Variants in PLPPR1 observed in about 807,000 individuals in gnomAD.
PLPPR1 encodes phospholipid phosphatase related 1, also known as phospholipid phosphatase-related protein type 1.
Under a neutral mutation model 33.1 loss-of-function variants are expected in PLPPR1, and 10 were observed. The observed-to-expected ratio is 0.30, with a 90% CI of 0.19 to 0.51. PLPPR1 has a LOEUF of 0.51. Among genes scored for constraint, PLPPR1 ranks in the 20% least tolerant of loss-of-function variants. The probability of loss-of-function intolerance (pLI) is 0.97; values close to 1 mark genes in which losing one functional copy is unlikely to be tolerated. For synonymous variants in PLPPR1, 151 were observed against 151.0 expected, an observed-to-expected ratio of 1.00 and a Z score of 0.00; for missense variants, 304 against 408.1, an observed-to-expected ratio of 0.74 and a Z score of 2.20.
At chr9:101,101,522 GAA>G (rs571219244) in intron 1 of PLPPR1, among the ~76,000 whole-genome samples, 1 of 127,568 alleles carries the variant, frequency 7.8e-6, no homozygotes, top group African/African-American at 2.9e-5. Context: ...AATTCAAATG[GAA>G]AAAAAAAAAA....
intron 4 of PLPPR1, among the ~76,000 whole-genome samples, chr9:101,286,538 G>C (rs7872693): frequency 0.012 from 1,869 of 152,242 alleles, 27 homozygotes; most frequent in African/African-American, 0.04. Flanking sequence ...GCAAGGGGTT[G>C]GGGTGGGGGA....
intron 2 of PLPPR1, among the ~76,000 whole-genome samples, chr9:101,212,593 A>G (rs1055703554): frequency 1.3e-5 from 2 of 152,220 alleles, no homozygotes; most frequent in Admixed American, 6.5e-5. Flanking sequence ...TAATGAGTCC[A>G]GTGATCAAAC....
intron 2 of PLPPR1, among the ~76,000 whole-genome samples, chr9:101,224,505 G>A (rs1176785328): frequency 6.6e-6 from 1 of 152,100 alleles, no homozygotes; most frequent in Non-Finnish European, 1.5e-5. Context: ...GGGCATCGTG[G>A]TGACGGTTTC....
At chr9:101,123,854 G>T (rs777456720) in intron 1 of PLPPR1, among the ~76,000 whole-genome samples, 1 of 152,050 alleles carries the variant, frequency 6.6e-6, no homozygotes. Context: ...ATTATAGTGC[G>T]TCAGGGTAGC....
chr9:101,070,620 G>A (rs1014311301), intron 1 of PLPPR1, among the ~76,000 whole-genome samples: 4 of 152,084 alleles, frequency 2.6e-5, no homozygotes, highest in Non-Finnish European at 4.4e-5. Flanking sequence ...TCCACTCGAA[G>A]TGATACCTTC....
chr9:101,219,635 ATTTTGACTGTGCTGC>A (rs1360996211), intron 2 of PLPPR1, among the ~76,000 whole-genome samples: 1 of 152,196 alleles, frequency 6.6e-6, no homozygotes, highest in African/African-American at 2.4e-5. Flanking sequence ...AATTCTCAAC[ATTTTGACTGTGCTGC>A]TCCTCATAAT....
intron 1 of PLPPR1, among the ~76,000 whole-genome samples, chr9:101,066,827 T>C (rs682618): frequency 0.68 from 103,250 of 151,788 alleles, 35,440 homozygotes; most frequent in East Asian, 0.88. Context: ...ATTGGAAAAT[T>C]ATATTAGAAA....
At chr9:101,108,154 C>G (rs929690242) in intron 1 of PLPPR1, among the ~76,000 whole-genome samples, 1 of 146,826 alleles carries the variant, frequency 6.8e-6, no homozygotes, top group Non-Finnish European at 1.5e-5. Flanking sequence ...TGTTCCTATT[C>G]GGCCATCTTG....
intron 3 of PLPPR1, among the ~76,000 whole-genome samples, chr9:101,270,353 G>A (rs964044175): frequency 5.3e-5 from 8 of 152,140 alleles, no homozygotes; most frequent in African/African-American, 1.7e-4. Flanking sequence ...ATTGGCTAAT[G>A]TGTTAAGAAC....
At chr9:101,053,048 C>A (rs796970173) in intron 1 of PLPPR1, among the ~76,000 whole-genome samples, 1 of 152,170 alleles carries the variant, frequency 6.6e-6, no homozygotes, top group Non-Finnish European at 1.5e-5. Flanking sequence ...TATGTCAATC[C>A]ATTTTTGATA....
At chr9:101,167,214 TAC>T (rs745548060) in intron 1 of PLPPR1, among the ~76,000 whole-genome samples, 51 of 26,064 alleles carry the variant, frequency 2.0e-3, no homozygotes, top group Non-Finnish European at 3.1e-3. Flanking sequence ...CACACACACA[TAC>T]ACACACACAC....
intron 1 of PLPPR1, among the ~76,000 whole-genome samples, chr9:101,164,096 G>A (rs942882906): frequency 2.0e-5 from 3 of 152,080 alleles, no homozygotes; most frequent in African/African-American, 7.2e-5. Flanking sequence ...CAGGTATGTG[G>A]GTTAAGCCCT....
chr9:101,064,885 C>A (rs1330398088), intron 1 of PLPPR1, among the ~76,000 whole-genome samples: 1 of 151,856 alleles, frequency 6.6e-6, no homozygotes, highest in African/African-American at 2.4e-5. Context: ...AACAGATCTA[C>A]TCTCGTGATA....
At chr9:101,279,657 A>G (rs998256320) in intron 3 of PLPPR1, among the ~76,000 whole-genome samples, 1 of 152,206 alleles carries the variant, frequency 6.6e-6, no homozygotes, top group Non-Finnish European at 1.5e-5. Context: ...ATAATCAATA[A>G]GAGGAATGTT....
rs1588103725 is a variant in PLPPR1, at chr9:101,268,118, G to A, written c.64-1762G>A. The stretch of plus-strand genomic sequence containing the variant: ...GGGGCCTGTTGTGGGTAGGGGAGGG[G>A]GGAGAGATAGCATTAGGAGATATAC... On this transcript the variant is annotated intron_variant, in intron 2 of 7. Transcript: ENST00000374874. Among the ~76,000 whole-genome samples, 4 of 152,076 alleles carry A rather than the reference G, an allele frequency of 2.6e-5. No individual in the cohort carries two copies. In the South Asian group the frequency reaches 8.3e-4, roughly 32 times the overall value.
At chr9:101,048,477 C>T (rs1830180145) in intron 1 of PLPPR1, among the ~76,000 whole-genome samples, 1 of 152,114 alleles carries the variant, frequency 6.6e-6, no homozygotes, top group South Asian at 2.1e-4. Context: ...TTATATATTC[C>T]TACAAGATAT....
At chr9:101,179,699 CAA>C (rs1003792757) in intron 1 of PLPPR1, among the ~76,000 whole-genome samples, 37 of 151,904 alleles carry the variant, frequency 2.4e-4, no homozygotes, top group African/African-American at 8.7e-4. Context: ...TTCAAGTTGA[CAA>C]GGGGTAGACT....
At chr9:101,302,843 C>G (rs185410805) in intron 4 of PLPPR1, among the ~76,000 whole-genome samples, 16 of 152,304 alleles carry the variant, frequency 1.1e-4, no homozygotes, top group African/African-American at 3.6e-4. Context: ...ATGCACAAAG[C>G]TGGTTAGATT....
chr9:101,032,126 G>A (rs1345870590), intron 1 of PLPPR1, among the ~76,000 whole-genome samples: 1 of 152,154 alleles, frequency 6.6e-6, no homozygotes, highest in Non-Finnish European at 1.5e-5. Context: ...ACAGATATGG[G>A]TTCTTAGCTT....
Sources: allele counts gnomAD v4.1 joint callset (sites outside exome capture counted in the v4.1 genomes callset), GRCh38; gene constraint gnomAD v4.1.1; transcripts MANE v1.5; gene names NCBI Gene and HGNC (gene_info 2026-07-23, HGNC 2026-07-21).